Variants in PTPRD observed in about 807,000 individuals in gnomAD.
PTPRD encodes receptor-type tyrosine-protein phosphatase delta.
PTPRD carries 34 observed loss-of-function variants against 214.5 expected under a neutral mutation model. The observed-to-expected ratio is 0.16, with a 90% CI of 0.12 to 0.21. The LOEUF (loss-of-function observed/expected upper bound fraction) is 0.21. Ranked by LOEUF, PTPRD falls within the 10% of genes least tolerant of loss-of-function variation. The pLI is 1.00. For missense variants in PTPRD, 2,545 were observed against 2,398.7 expected (o/e 1.06, Z -1.27); for synonymous variants, 1,128 against 845.7 (o/e 1.33, Z -5.79).
chr9:9,031,062 G>T (rs2099603732), intron 10 of PTPRD, among the ~76,000 whole-genome samples: 1 of 151,900 alleles, frequency 6.6e-6, no homozygotes, highest in Non-Finnish European at 1.5e-5. Context: ...GAAATAGGGG[G>T]AATGGTTAAA....
intron 39 of PTPRD, among the ~76,000 whole-genome samples, chr9:8,369,713 A>T (rs10815840): frequency 0.55 from 83,906 of 151,196 alleles, 27,046 homozygotes; most frequent in Non-Finnish European, 0.74. Flanking sequence ...ATGAATAGAA[A>T]GTCTTCCTTT....
At chr9:10,381,428 C>A (rs1470192156) in intron 2 of PTPRD, among the ~76,000 whole-genome samples, 1 of 151,998 alleles carries the variant, frequency 6.6e-6, no homozygotes, top group Non-Finnish European at 1.5e-5. Context: ...CTGCAGCCAA[C>A]TGGCTTGTTA....
chr9:9,903,948 G>A (rs993696166), intron 5 of PTPRD, among the ~76,000 whole-genome samples: 1 of 152,132 alleles, frequency 6.6e-6, no homozygotes, highest in East Asian at 1.9e-4. Context: ...CCTACAGACA[G>A]TAATAGTAAC....
chr9:10,127,112 C>T (rs1446069259), intron 3 of PTPRD, among the ~76,000 whole-genome samples: 1 of 152,114 alleles, frequency 6.6e-6, no homozygotes, highest in Non-Finnish European at 1.5e-5. Context: ...GCAGTGTATC[C>T]TTACTGTGCT....
intron 6 of PTPRD, among the ~76,000 whole-genome samples, chr9:9,758,731 A>G (rs534755981): frequency 4.6e-4 from 70 of 151,850 alleles, no homozygotes; most frequent in African/African-American, 1.5e-3. Flanking sequence ...CCATTCCCTC[A>G]TCGCCACCCA....
At chr9:9,976,925 A>T (rs1450388982) in intron 4 of PTPRD, among the ~76,000 whole-genome samples, 1 of 152,102 alleles carries the variant, frequency 6.6e-6, no homozygotes, top group Non-Finnish European at 1.5e-5. Context: ...TTTGGCAATA[A>T]GGATTAACTT....
rs1464245733 is a variant in PTPRD at position 9,734,561 on chromosome 9, G to A, written c.-315C>T. 1 of 151,946 alleles carries A rather than the reference G, an allele frequency of 6.6e-6. No individual in the cohort carries two copies. The highest frequency in any genetic ancestry group is 1.5e-5 in the Non-Finnish European group (1 of 67,944). The allele number at this position is 151,946 out of a possible 1,614,324, so 9.4% of individuals were successfully genotyped here. ...ATTTTTGAAGTTACCAGAAGATCAA[G>A]GAGTCCAAGCCTGATAAAAAGCAAA... On this transcript the variant is annotated 5_prime_UTR_variant, in exon 7 of 46. Coordinates refer to ENST00000381196, the MANE Select transcript of PTPRD (RefSeq NM_002839.4).
intron 2 of PTPRD, among the ~76,000 whole-genome samples, chr9:10,360,713 A>G (rs938688092): frequency 2.0e-5 from 3 of 152,214 alleles, no homozygotes; most frequent in African/African-American, 7.2e-5. Flanking sequence ...TTTTAATCTA[A>G]TGATATTTAC....
intron 3 of PTPRD, among the ~76,000 whole-genome samples, chr9:10,134,771 A>G (rs978692076): frequency 6.6e-6 from 1 of 152,154 alleles, no homozygotes; most frequent in Non-Finnish European, 1.5e-5. Flanking sequence ...TCCTTCTCAG[A>G]TGAGGAAGAA....
At chr9:10,291,367 G>T (rs1447432350) in intron 3 of PTPRD, among the ~76,000 whole-genome samples, 1 of 152,062 alleles carries the variant, frequency 6.6e-6, no homozygotes, top group East Asian at 1.9e-4. Flanking sequence ...CCTAATCCTT[G>T]AATGTTTGAA....
At chr9:10,288,072 AT>A (rs1438173990) in intron 3 of PTPRD, among the ~76,000 whole-genome samples, 3 of 147,394 alleles carry the variant, frequency 2.0e-5, no homozygotes, top group Non-Finnish European at 4.4e-5. Flanking sequence ...GAATTCAAAA[AT>A]TTTTTCTAAA....
At chr9:9,134,323 T>A (rs2099847610) in intron 10 of PTPRD, among the ~76,000 whole-genome samples, 1 of 136,908 alleles carries the variant, frequency 7.3e-6, no homozygotes, top group Non-Finnish European at 1.5e-5. Context: ...TCCACCCGCC[T>A]CGGCCTCCCA....
chr9:9,004,445 A>C (rs1757846644), intron 11 of PTPRD, among the ~76,000 whole-genome samples: 1 of 151,908 alleles, frequency 6.6e-6, no homozygotes, highest in African/African-American at 2.4e-5. Flanking sequence ...AACTCTCTGG[A>C]ATTCGAAAAT....
Position 8,317,183 on chromosome 9 carries a change from T to C in PTPRD, c.*691A>G, listed in dbSNP as rs2130367087. 1 of 232,070 alleles carries C rather than the reference T, an allele frequency of 4.3e-6. No homozygotes were observed. Among genetic ancestry groups the C allele is most frequent in the South Asian group, 1.8e-4 (1 of 5,514 alleles). The allele number at this position is 232,070 out of a possible 1,614,324, so 14.4% of individuals were successfully genotyped here. ...ATGTGCAAATTTTCAAATGATTTGATATTTCTACAGCAAGATATTACAGAT... is the reference window on the plus strand; with the variant it reads ...ATGTGCAAATTTTCAAATGATTTGACATTTCTACAGCAAGATATTACAGAT... On this transcript the variant is annotated 3_prime_UTR_variant, in exon 46 of 46. Coordinates refer to ENST00000381196, the MANE Select transcript of PTPRD (RefSeq NM_002839.4).
At chr9:10,039,660 A>C (rs1414438830) in intron 3 of PTPRD, among the ~76,000 whole-genome samples, 1 of 151,746 alleles carries the variant, frequency 6.6e-6, no homozygotes, top group African/African-American at 2.4e-5. Context: ...TATGGCCCTC[A>C]GTTTTCTTTT....
intron 8 of PTPRD, among the ~76,000 whole-genome samples, chr9:9,522,914 T>C (rs1290840719): frequency 3.9e-5 from 6 of 152,132 alleles, no homozygotes; most frequent in African/African-American, 1.4e-4. Flanking sequence ...AAAACACAGC[T>C]GCTTTGCACA....
chr9:8,697,775 G>T (rs937948038), intron 12 of PTPRD, among the ~76,000 whole-genome samples: 1 of 152,032 alleles, frequency 6.6e-6, no homozygotes, highest in Non-Finnish European at 1.5e-5. Context: ...GTGTGTGTGT[G>T]TGTGTGTTTG....
At chr9:9,793,936 A>G (rs924843389) in intron 5 of PTPRD, among the ~76,000 whole-genome samples, 1 of 152,076 alleles carries the variant, frequency 6.6e-6, no homozygotes, top group Non-Finnish European at 1.5e-5. Flanking sequence ...CCTAAAATAT[A>G]AGAGTATCAA....
At chr9:9,623,449 G>A (rs1282545800) in intron 7 of PTPRD, among the ~76,000 whole-genome samples, 1 of 152,108 alleles carries the variant, frequency 6.6e-6, no homozygotes, top group African/African-American at 2.4e-5. Flanking sequence ...TCTTTTTCCA[G>A]TATAGGCAAT....
Sources: gnomAD v4.1 joint callset for allele counts (sites outside exome capture counted in the v4.1 genomes callset) on GRCh38, gnomAD v4.1.1 for gene constraint, MANE v1.5 for transcripts, NCBI Gene and HGNC (gene_info 2026-07-23, HGNC 2026-07-21) for gene names.